Variants in HECW2 observed in about 807,000 individuals in gnomAD.
The protein encoded by HECW2 is HECT, C2 and WW domain containing E3 ubiquitin protein ligase 2.
Under a neutral mutation model 175.2 loss-of-function variants are expected in HECW2, and 61 were observed. That is an observed-to-expected ratio of 0.35 (90% CI 0.28 to 0.43). The LOEUF is 0.43. HECW2 is among the 20% of genes least tolerant of loss of function. The pLI is 1.00. For missense variants in HECW2, 1,524 were observed against 2,000.5 expected (o/e 0.76, Z 4.54); for synonymous variants, 671 against 731.0 (o/e 0.92, Z 1.32).
intron 28 of HECW2, among the ~76,000 whole-genome samples, chr2:196,209,042 G>C (rs1351734743): frequency 6.6e-6 from 1 of 152,202 alleles, no homozygotes; most frequent in Non-Finnish European, 1.5e-5. Flanking sequence ...TAGGCTGGTG[G>C]AAAGAAATGA....
At chr2:196,332,586 A>T (rs904270956) in intron 4 of HECW2, among the ~76,000 whole-genome samples, 7 of 152,208 alleles carry the variant, frequency 4.6e-5, no homozygotes, top group African/African-American at 1.7e-4. Flanking sequence ...CTCAATGCAA[A>T]AATCAATGGA....
At chr2:196,372,758 A>AC (rs1185507959) in intron 2 of HECW2, among the ~76,000 whole-genome samples, 1 of 152,126 alleles carries the variant, frequency 6.6e-6, no homozygotes, top group Non-Finnish European at 1.5e-5. Context: ...TATTTGCTTA[A>AC]CATTTTTTTT....
chr2:196,429,242 G>T (rs1263663551), intron 2 of HECW2, among the ~76,000 whole-genome samples: 1 of 151,260 alleles, frequency 6.6e-6, no homozygotes, highest in African/African-American at 2.5e-5. Flanking sequence ...CCTGAGCCTG[G>T]GGGGGGCCTA....
chr2:196,414,405 G>A (rs901855215), intron 2 of HECW2, among the ~76,000 whole-genome samples: 3 of 152,208 alleles, frequency 2.0e-5, no homozygotes, highest in African/African-American at 7.2e-5. Context: ...GTATGTGTTA[G>A]GATCTTCTCC....
At position 196,307,979 on chromosome 2, in the gene HECW2, C is replaced by A. The variant is rs775688305; in HGVS notation, c.2541G>T (p.Leu847=). Reference sequence around the variant, plus strand: ...TTTGCTGTATGGAGTTAGATCTCTGCAGCACCTGCGGGGCTGGGGGAGCTG... The same window carrying A: ...TTTGCTGTATGGAGTTAGATCTCTGAAGCACCTGCGGGGCTGGGGGAGCTG... The part of the protein sequence containing the change: ...RPTAPPAPQV[L]QRSNSIQQME... Residue 847 remains leucine, a synonymous_variant, in exon 11 of 29, where the codon CTG becomes CTT. Coordinates refer to ENST00000644978, the MANE Select transcript of HECW2 (RefSeq NM_001348768.2). 1.9e-6 allele frequency: 3 copies of A among 1,602,700 alleles called. No individual in the cohort carries two copies. In the South Asian group the frequency reaches 3.3e-5, roughly 18 times the overall value.
Position 196,278,612 on chromosome 2 carries a change from C to A in HECW2, c.3051G>T (p.Arg1017=). The A allele has an allele frequency of 6.2e-7, 1 of 1,613,922 alleles. No individual in the cohort carries two copies. The highest frequency in any genetic ancestry group is 8.5e-7 in the Non-Finnish European group (1 of 1,179,950). Residue 1017 remains arginine (R), a synonymous_variant, in exon 15 of 29, where the codon CGG becomes CGT. Coordinates refer to ENST00000644978, the MANE Select transcript of HECW2 (RefSeq NM_001348768.2). The part of the protein sequence containing the change: ...NSRTTTFIDP[R]LPLQSSRPTS... ...TGGGTCTACTGCTCTGAAGTGGGAG[C>A]CGGGGATCAATGAAAGTGGTGGTGC...
At chr2:196,338,334 A>G (rs1259079581) in intron 3 of HECW2, among the ~76,000 whole-genome samples, 2 of 152,192 alleles carry the variant, frequency 1.3e-5, no homozygotes, top group African/African-American at 4.8e-5. Context: ...ATAACTTGAC[A>G]CTGGTTGTAG....
At chr2:196,550,859 T>C in intron 1 of HECW2, among the ~76,000 whole-genome samples, 1 of 152,222 alleles carries the variant, frequency 6.6e-6, no homozygotes, top group East Asian at 1.9e-4. Flanking sequence ...CCAATTCTTA[T>C]CTTCTGCCTA....
intron 15 of HECW2, among the ~76,000 whole-genome samples, chr2:196,274,959 A>G (rs2375687): frequency 4.6e-5 from 7 of 152,206 alleles, no homozygotes; most frequent in African/African-American, 1.7e-4. Flanking sequence ...AAAATAACAC[A>G]CTGTACTGGA....
At chr2:196,257,656 G>T (rs1347362598) in intron 18 of HECW2, 167 bp downstream of exon 18, 4 of 594,686 alleles carry the variant, frequency 6.7e-6, no homozygotes, top group African/African-American at 1.9e-5. Flanking sequence ...GCAACGTGAA[G>T]TGAATGATCA....
At chr2:196,578,624 G>C (rs1384870014) in intron 1 of HECW2, among the ~76,000 whole-genome samples, 11 of 152,122 alleles carry the variant, frequency 7.2e-5, no homozygotes, top group Admixed American at 2.0e-4. Context: ...AAATATTCCA[G>C]CATGTACAGG....
At chr2:196,433,060 A>G in intron 2 of HECW2, 72 bp downstream of exon 2, 1 of 1,414,298 alleles carries the variant, frequency 7.1e-7, no homozygotes, top group Non-Finnish European at 9.6e-7. Context: ...AAGAAAATAC[A>G]GAATGGTAAA....
At chr2:196,227,490 G>A (rs1687894134) in intron 22 of HECW2, among the ~76,000 whole-genome samples, 1 of 152,168 alleles carries the variant, frequency 6.6e-6, no homozygotes, top group Admixed American at 6.5e-5. Flanking sequence ...GCAACACCTG[G>A]TTACAAACTT....
At position 196,329,608 on chromosome 2, in the gene HECW2, G is replaced by A. The variant is rs778530220; in HGVS notation, c.538C>T (p.His180Tyr). 2 of 1,613,502 alleles carry A rather than the reference G, an allele frequency of 1.2e-6. No individual in the cohort carries two copies. The highest frequency in any genetic ancestry group is 1.3e-5 in the African/African-American group (1 of 74,894). ...GMEGGASGNL[H>Y]SRKLVSFTLS... ...GTAAAGCTAACAAGTTTTCGAGAAT[G>A]CAGGTTTCCTGAAGCACCTCCCTCC... Residue 180 changes from histidine to tyrosine, a missense_variant, in exon 5 of 29, where the codon CAT becomes TAT. Coordinates refer to ENST00000644978, the MANE Select transcript of HECW2 (RefSeq NM_001348768.2).
At chr2:196,340,325 G>A (rs528735811) in intron 3 of HECW2, among the ~76,000 whole-genome samples, 2 of 152,184 alleles carry the variant, frequency 1.3e-5, no homozygotes, top group South Asian at 2.1e-4. Context: ...AGCCGGGCAC[G>A]GTGGCTCACG....
intron 2 of HECW2, among the ~76,000 whole-genome samples, chr2:196,418,650 AAT>A (rs1478855749): frequency 6.6e-6 from 1 of 152,220 alleles, no homozygotes; most frequent in African/African-American, 2.4e-5. Flanking sequence ...AAGACCAAAA[AAT>A]GAGAGTATAA....
chr2:196,581,760 A>G (rs1015084751), intron 1 of HECW2, among the ~76,000 whole-genome samples: 2 of 152,120 alleles, frequency 1.3e-5, no homozygotes, highest in Non-Finnish European at 2.9e-5. Context: ...GATAGATGCT[A>G]GGGATGTAAA....
chr2:196,217,097 T>C lies in HECW2; in HGVS notation c.4409-4A>G. On this transcript the variant is annotated splice_region_variant and splice_polypyrimidine_tract_variant and intron_variant, in intron 26 of 28. Transcript: ENST00000644978. ...ACAATATGATTGTCATGGTATCCTA[T>C]CAAACCAATCATAAAAGCCCATGTT... is the stretch of plus-strand genomic sequence containing the variant. 1 of 1,594,126 alleles carries C rather than the reference T, an allele frequency of 6.3e-7. No homozygotes were observed.
rs921259607 is a variant in HECW2 at position 196,568,138 on chromosome 2, C to A, written c.-36+25370G>T. Among the ~76,000 whole-genome samples the A allele has an allele frequency of 9.2e-5, 14 of 152,166 alleles. No homozygotes were observed. The East Asian group carries it at 2.5e-3, about 27-fold the overall frequency. Reference sequence around the variant, plus strand: ...TTCATTTCCAAATTTTTTCAAGGATCCATTAAAACCTCATAACATGAAGTT... The same window carrying A: ...TTCATTTCCAAATTTTTTCAAGGATACATTAAAACCTCATAACATGAAGTT... On this transcript the variant is annotated intron_variant, in intron 1 of 28. Transcript: ENST00000644978.
Sources: allele counts gnomAD v4.1 joint callset (sites outside exome capture counted in the v4.1 genomes callset), GRCh38; gene constraint gnomAD v4.1.1; transcripts MANE v1.5; gene names NCBI Gene and HGNC (gene_info 2026-07-23, HGNC 2026-07-21).